RAB40C: variants seen among roughly 807,000 people sequenced by gnomAD.
RAB40C encodes the protein RAB40C, member RAS oncogene family.
A neutral mutation model predicts 28.1 loss-of-function variants in RAB40C; 8 were observed. That is an observed-to-expected ratio of 0.28 (90% CI 0.17 to 0.51). The LOEUF (loss-of-function observed/expected upper bound fraction) is 0.51, where lower values mean the gene tolerates loss of function less well. Ranked by LOEUF, RAB40C falls within the 20% of genes least tolerant of loss-of-function variation. The pLI is 0.97. For missense variants in RAB40C, 288 were observed against 405.9 expected (o/e 0.71, Z 2.50); for synonymous variants, 201 against 171.7 (o/e 1.17, Z -1.34).
chr16:590,528 G>A, intron 1 of RAB40C, 95 bp downstream of exon 1: 1 of 1,353,208 alleles, frequency 7.4e-7, no homozygotes, highest in Non-Finnish European at 9.6e-7. Flanking sequence ...TCCAAGCGCC[G>A]CCGAACGTTC....
Position 595,267 on chromosome 16 carries a change from C to T in RAB40C, c.142+4834C>T, listed in dbSNP as rs574188996. Among the ~76,000 whole-genome samples, 6 of 152,330 alleles carry T rather than the reference C, an allele frequency of 3.9e-5. No homozygotes were observed. The East Asian group carries it at 9.6e-4, about 24-fold the overall frequency. ...CGCTGCCCCCGTGTAGCCCCCACCA[C>T]CACCTGTGAGAAGGCAGCACCACCC... is the stretch of plus-strand genomic sequence containing the variant. On this transcript the variant is annotated intron_variant, in intron 1 of 5. Coordinates refer to ENST00000248139, the MANE Select transcript of RAB40C (RefSeq NM_021168.5).
intron 5 of RAB40C, among the ~76,000 whole-genome samples, chr16:626,735 C>A (rs538884118): frequency 6.6e-6 from 1 of 152,154 alleles, no homozygotes; most frequent in Admixed American, 6.5e-5. Context: ...GTCAGGACTT[C>A]GAGACCAGCC....
At chr16:622,259 T>A (rs570473646) in intron 3 of RAB40C, among the ~76,000 whole-genome samples, 1 of 152,160 alleles carries the variant, frequency 6.6e-6, no homozygotes, top group Non-Finnish European at 1.5e-5. Flanking sequence ...CAGATGCATA[T>A]TGCCACCGTT....
At chr16:625,724 G>C (rs2036815964) in intron 4 of RAB40C, 175 bp from the exon 5 acceptor site, 1 of 833,984 alleles carries the variant, frequency 1.2e-6, no homozygotes, top group Non-Finnish European at 1.9e-6. Flanking sequence ...GGGCCACCCG[G>C]AAGGGCTGCA....
At chr16:617,116 C>G (rs2036602937) in intron 1 of RAB40C, 92 bp from the exon 2 acceptor site, 1 of 1,364,322 alleles carries the variant, frequency 7.3e-7, no homozygotes. Flanking sequence ...CCGCGTGGGT[C>G]TTGGCCCTGG....
intron 1 of RAB40C, among the ~76,000 whole-genome samples, chr16:604,068 T>C (rs2036308650): frequency 6.6e-6 from 1 of 151,074 alleles, no homozygotes; most frequent in Non-Finnish European, 1.5e-5. Flanking sequence ...TTTCTTTTTT[T>C]TTTTTTTGAG....
chr16:621,792 G>A (rs1383558495), intron 3 of RAB40C, among the ~76,000 whole-genome samples: 2 of 152,228 alleles, frequency 1.3e-5, no homozygotes, highest in African/African-American at 2.4e-5. Context: ...CTTAGTGCCA[G>A]GAAGGCTGTG....
At position 610,199 on chromosome 16, in the gene RAB40C, T is replaced by C. The variant is rs1596407035; in HGVS notation, c.143-7009T>C. Among the ~76,000 whole-genome samples the C allele has an allele frequency of 6.6e-6, 1 of 152,054 alleles. No homozygotes were observed. The highest frequency in any genetic ancestry group is 1.5e-5 in the Non-Finnish European group (1 of 67,986). On this transcript the variant is annotated intron_variant, in intron 1 of 5. Coordinates refer to ENST00000248139, the MANE Select transcript of RAB40C (RefSeq NM_021168.5). This position sits in a 1 kb window ranked among gnomAD's most constrained non-coding sequence, Gnocchi z 4.6. ...GGCTTTGCTCTGGTGGCAGGACAGG[T>C]GTTCTGACCTCCCTGCCTCTGTCCC... is the stretch of plus-strand genomic sequence containing the variant.
intron 1 of RAB40C, among the ~76,000 whole-genome samples, chr16:608,846 G>A (rs924161681): frequency 2.6e-5 from 4 of 152,188 alleles, no homozygotes; most frequent in African/African-American, 9.6e-5. Context: ...ATTGTGTGGC[G>A]GCTCATACCT....
chr16:607,215 G>A (rs547124454), intron 1 of RAB40C, among the ~76,000 whole-genome samples: 1 of 152,204 alleles, frequency 6.6e-6, no homozygotes, highest in Non-Finnish European at 1.5e-5. Flanking sequence ...AAACAAAGTC[G>A]CCTGGGCACG....
chr16:613,425 C>G (rs1054681560), intron 1 of RAB40C, among the ~76,000 whole-genome samples: 1 of 152,268 alleles, frequency 6.6e-6, no homozygotes, highest in Non-Finnish European at 1.5e-5. Flanking sequence ...GACTGCCGCC[C>G]TGGCCGGTAG....
intron 5 of RAB40C, 79 bp downstream of exon 5, chr16:626,200 G>A: frequency 1.4e-6 from 2 of 1,423,584 alleles, no homozygotes; most frequent in Non-Finnish European, 2.0e-6. Context: ...AGGGGGGCCA[G>A]GGGCCAGTGA....
intron 4 of RAB40C, 60 bp downstream of exon 4, chr16:625,569 C>T: frequency 6.5e-7 from 1 of 1,537,168 alleles, no homozygotes; most frequent in Admixed American, 1.7e-5. Context: ...GTACCTGGGC[C>T]CCGGGTAGGC....
chr16:625,015 A>G, intron 3 of RAB40C: 1 of 1,290,142 alleles, frequency 7.8e-7, no homozygotes, highest in Non-Finnish European at 1.0e-6. Context: ...AGGTTGGAAA[A>G]CTCAGAAATG....
At chr16:624,617 CTT>C in intron 3 of RAB40C, 3 of 985,342 alleles carry the variant, frequency 3.0e-6, no homozygotes, top group Non-Finnish European at 3.6e-6. Context: ...GCCTCAGCCT[CTT>C]GTGTGATAGG....
chr16:623,636 CAAAA>C (rs781008758), intron 3 of RAB40C, among the ~76,000 whole-genome samples: 1 of 98,194 alleles, frequency 1.0e-5, no homozygotes. Flanking sequence ...GACTCCGTCT[CAAAA>C]AAAAAAAAAA....
At chr16:625,129 C>A in intron 3 of RAB40C, 2 of 1,345,638 alleles carry the variant, frequency 1.5e-6, no homozygotes, top group Non-Finnish European at 2.0e-6. Context: ...CTGCCAGAAC[C>A]CCGCATCTGC....
intron 3 of RAB40C, among the ~76,000 whole-genome samples, chr16:618,582 C>T (rs2036639329): frequency 6.6e-6 from 1 of 151,986 alleles, no homozygotes; most frequent in African/African-American, 2.4e-5. Flanking sequence ...GTAGTGGGTG[C>T]ACTCAGGGCC....
At chr16:622,168 A>G (rs1443478669) in intron 3 of RAB40C, among the ~76,000 whole-genome samples, 1 of 151,990 alleles carries the variant, frequency 6.6e-6, no homozygotes, top group Non-Finnish European at 1.5e-5. Context: ...CAAAAAGGAC[A>G]CCCACTCTTA....
Sources: gnomAD v4.1 joint callset for allele counts (sites outside exome capture counted in the v4.1 genomes callset) on GRCh38, gnomAD v4.1.1 for gene constraint, Gnocchi (gnomAD v3.1) non-coding constraint, MANE v1.5 for transcripts, NCBI Gene and HGNC (gene_info 2026-07-23, HGNC 2026-07-21) for gene names.